The following KMT2C variants were observed in gnomAD, a reference collection of about 807,000 sequenced individuals.
KMT2C encodes the protein histone-lysine N-methyltransferase 2C.
A neutral mutation model predicts 507.9 loss-of-function variants in KMT2C; 88 were observed. The observed-to-expected ratio is 0.17, with a 90% confidence interval of 0.15 to 0.21. KMT2C has a LOEUF of 0.21. KMT2C is among the 10% of genes least tolerant of loss of function. The probability of loss-of-function intolerance (pLI) is 1.00; values close to 1 mark genes in which losing one functional copy is unlikely to be tolerated. For synonymous variants in KMT2C, 2,049 were observed against 2,080.8 expected (o/e 0.98, Z 0.42); for missense variants, 4,954 against 5,957.8 (o/e 0.83, Z 5.55).
In KMT2C at chr7:152,177,609, A is replaced by G. The variant is rs2129115083; in HGVS notation, c.7844T>C (p.Leu2615Pro). Residue 2615 changes from leucine (L) to proline (P), a missense_variant, in exon 38 of 59, where the codon CTA becomes CCA. By Grantham distance (98) the Leu-to-Pro change is moderately conservative. Coordinates refer to ENST00000262189, the MANE Select transcript of KMT2C (RefSeq NM_170606.3). The stretch of plus-strand genomic sequence containing the variant: ...TGGGTGCACAGGTAGCTGATTAGGT[A>G]GACCCTGGGGAGGTCGTCGCATGGG... ...TDPMRRPPQG[L>P]PNQLPVHPDL... is the part of the protein sequence containing the mutation. 2 of 1,614,152 alleles carry G rather than the reference A, an allele frequency of 1.2e-6. No homozygotes were observed. The highest frequency in any genetic ancestry group is 3.3e-5 in the Admixed American group (2 of 60,022).
rs2129112931 is a variant in KMT2C at position 152,176,373 on chromosome 7, C to T, written c.9080G>A (p.Gly3027Glu). The T allele has an allele frequency of 6.2e-7, 1 of 1,614,036 alleles. No homozygotes were observed. The highest frequency in any genetic ancestry group is 8.5e-7 in the Non-Finnish European group (1 of 1,179,996). ...TSQSGTSSMS[G>E]PQQLMIPQTL... The stretch of plus-strand genomic sequence containing the variant: ...TTGAGGAATCATTAGCTGTTGGGGT[C>T]CAGACATGCTACTGGTACCAGACTG... Residue 3027 changes from glycine (G) to glutamate (E), a missense_variant, in exon 38 of 59, where the codon GGA becomes GAA. Coordinates refer to ENST00000262189, the MANE Select transcript of KMT2C (RefSeq NM_170606.3).
chr7:152,399,048 C>T (rs2097555098), intron 1 of KMT2C, among the ~76,000 whole-genome samples: 1 of 152,024 alleles, frequency 6.6e-6, no homozygotes, highest in Admixed American at 6.6e-5. Flanking sequence ...AGGCTGGTCT[C>T]CAACTCCTGA....
At chr7:152,249,653 T>A (rs2095530647) in intron 13 of KMT2C, among the ~76,000 whole-genome samples, 1 of 91,708 alleles carries the variant, frequency 1.1e-5, no homozygotes, top group Non-Finnish European at 2.1e-5. Context: ...AAAATATTTT[T>A]AATCATGACC....
rs377269836 is a variant in KMT2C at position 152,171,167 on chromosome 7, A to G, written c.9453+97T>C. 3.3e-4 allele frequency: 237 copies of G among 720,174 alleles called. 1 individual carries two copies. In the South Asian group the frequency reaches 5.3e-3, roughly 16 times the overall value. 44.6% of individuals were successfully genotyped at this position (720,174 alleles called of 1,614,324 possible). A position where few individuals can be genotyped will look rare whatever the true frequency, so the allele number is the denominator to read the frequency against. ...TCCGCATTTACTTCTGCACAAACCT[A>G]GTACTACTCTCTAGCAGGGGACTTA... On this transcript the variant is annotated intron_variant, in intron 40 of 58. Coordinates refer to ENST00000262189, the MANE Select transcript of KMT2C (RefSeq NM_170606.3).
In KMT2C at chr7:152,144,934, C is replaced by G. The variant is rs2090952732; in HGVS notation, c.14175-53G>C. 1 of 1,533,332 alleles carries G rather than the reference C, an allele frequency of 6.5e-7. No individual in the cohort carries two copies. Among genetic ancestry groups the G allele is most frequent in the South Asian group, 1.2e-5 (1 of 82,436 alleles). 95.0% of individuals were successfully genotyped at this position (1,533,332 alleles called of 1,614,324 possible). A position where few individuals can be genotyped will look rare whatever the true frequency, so the allele number is the denominator to read the frequency against. On this transcript the variant is annotated intron_variant, in intron 54 of 58. Transcript: ENST00000262189. This position sits in a 1 kb window ranked among gnomAD's most constrained non-coding sequence, Gnocchi z 4.4. ...AAAAATACAAGGAAAACTGAAGATA[C>G]CTCTGAGTAATGCCCAAAACCAGGT...
chr7:152,221,722 T>C (rs1354650979), intron 22 of KMT2C, among the ~76,000 whole-genome samples: 2 of 152,222 alleles, frequency 1.3e-5, no homozygotes, highest in Non-Finnish European at 2.9e-5. Context: ...TAACTGATAA[T>C]TAAGCACAGT....
chr7:152,217,478 G>C (rs2094614011), intron 23 of KMT2C, among the ~76,000 whole-genome samples: 1 of 152,100 alleles, frequency 6.6e-6, no homozygotes, highest in Non-Finnish European at 1.5e-5. Context: ...TTCTGCAAAG[G>C]ATGTGAGATC....
At chr7:152,214,037 T>C (rs1047693810) in intron 23 of KMT2C, among the ~76,000 whole-genome samples, 1 of 152,094 alleles carries the variant, frequency 6.6e-6, no homozygotes, top group African/African-American at 2.4e-5. Context: ...TCATGTCTCT[T>C]AGAATGACTA....
rs561540623 is a variant in KMT2C at position 152,152,191 on chromosome 7, G to A, written c.12526+514C>T. On this transcript the variant is annotated intron_variant, in intron 49 of 58. Transcript: ENST00000262189. ...TTGCCAGTGAGGCAGGAAGGAAAGC[G>A]ACATCATGGTCGGTCTAAGGAAGTT... 3.3e-5 allele frequency among the ~76,000 whole-genome samples: 5 copies of A among 152,340 alleles called. No individual in the cohort carries two copies. The East Asian group carries it at 7.7e-4, about 23-fold the overall frequency.
At chr7:152,150,271 C>T (rs1419136490) in intron 51 of KMT2C, among the ~76,000 whole-genome samples, 5 of 152,156 alleles carry the variant, frequency 3.3e-5, no homozygotes, top group African/African-American at 1.2e-4. Context: ...TAAATTTTAT[C>T]TTTAAACAGG....
chr7:152,376,810 A>G (rs1330911809), intron 1 of KMT2C, among the ~76,000 whole-genome samples: 1 of 152,300 alleles, frequency 6.6e-6, no homozygotes, highest in African/African-American at 2.4e-5. Context: ...TATACTAAAC[A>G]AGGTGTTTTA....
At chr7:152,258,013 C>T (rs956742907) in intron 9 of KMT2C, among the ~76,000 whole-genome samples, 7 of 152,190 alleles carry the variant, frequency 4.6e-5, no homozygotes, top group African/African-American at 1.7e-4. Flanking sequence ...TATACACACG[C>T]ATGTATTTCC....
intron 9 of KMT2C, among the ~76,000 whole-genome samples, chr7:152,260,601 C>T (rs1251669887): frequency 2.6e-5 from 4 of 151,904 alleles, no homozygotes; most frequent in Non-Finnish European, 5.9e-5. Context: ...TTTCTTGTGA[C>T]AGCATAAACT....
intron 25 of KMT2C, among the ~76,000 whole-genome samples, chr7:152,204,095 AC>A (rs1173257018): frequency 1.3e-5 from 2 of 149,626 alleles, no homozygotes; most frequent in African/African-American, 4.9e-5. Context: ...CTTCACACAA[AC>A]CATCACTTGC....
At chr7:152,187,679 T>A in intron 32 of KMT2C, 36 bp downstream of exon 32, 1 of 1,594,104 alleles carries the variant, frequency 6.3e-7, no homozygotes, top group Non-Finnish European at 8.5e-7. Context: ...CAGAAATTAG[T>A]GCAATTTAAG....
chr7:152,434,210 A>G (rs751238294), intron 1 of KMT2C, among the ~76,000 whole-genome samples: 13 of 152,238 alleles, frequency 8.5e-5, no homozygotes, highest in East Asian at 1.9e-4. Flanking sequence ...GGCATAATAA[A>G]TAAGTCCTAA....
intron 9 of KMT2C, among the ~76,000 whole-genome samples, chr7:152,258,457 C>A (rs1321302641): frequency 1.3e-5 from 2 of 152,054 alleles, no homozygotes; most frequent in Non-Finnish European, 1.5e-5. Context: ...TCATTTGCAA[C>A]CAAAACAAAG....
chr7:152,194,862 G>T (rs953068432), intron 28 of KMT2C, among the ~76,000 whole-genome samples: 2 of 148,194 alleles, frequency 1.3e-5, no homozygotes, highest in Non-Finnish European at 3.0e-5. Flanking sequence ...AAAAAAAAAA[G>T]CTTAAGATAG....
chr7:152,181,018 G>C lies in KMT2C; in HGVS notation c.6842C>G (p.Pro2281Arg), dbSNP rs999297081. 2.0e-5 allele frequency: 33 copies of C among 1,614,106 alleles called. No homozygotes were observed. The highest frequency in any genetic ancestry group is 3.3e-5 in the Admixed American group (2 of 60,008). The change falls in exon 36 of 59, where the codon CCT becomes CGT. Residue 2281 changes from proline to arginine, a missense_variant. Coordinates refer to ENST00000262189, the MANE Select transcript of KMT2C (RefSeq NM_170606.3). Reference sequence around the variant, plus strand: ...ACGGCTAAATGTGTCTGAAAGACCAGGTCCAGGGGGCCTAGGTGTCTGGGA... The same window carrying C: ...ACGGCTAAATGTGTCTGAAAGACCACGTCCAGGGGGCCTAGGTGTCTGGGA... ...TCSQTPRPPG[P>R]GLSDTFSRVS...
Sources: gnomAD v4.1 joint callset for allele counts (sites outside exome capture counted in the v4.1 genomes callset) on GRCh38, gnomAD v4.1.1 for gene constraint, Gnocchi (gnomAD v3.1) non-coding constraint, MANE v1.5 for transcripts, NCBI Gene and HGNC (gene_info 2026-07-23, HGNC 2026-07-21) for gene names.